The following SH3GL2 variants were observed in gnomAD, a reference collection of about 807,000 sequenced individuals.
SH3GL2 encodes the protein SH3 domain containing GRB2 like 2, endophilin A1.
In SH3GL2, 24 loss-of-function variants were observed where a neutral mutation model predicts 46.0. That is an observed-to-expected ratio of 0.52 (90% CI 0.38 to 0.73). SH3GL2 has a LOEUF of 0.73. Ranked by LOEUF, SH3GL2 falls within the 30% of genes least tolerant of loss-of-function variation. SH3GL2 has a pLI of 0.00. For missense variants in SH3GL2, 413 were observed against 424.2 expected, an observed-to-expected ratio of 0.97 and a Z score of 0.23; for synonymous variants, 196 against 147.1, an observed-to-expected ratio of 1.33 and a Z score of -2.40.
At chr9:17,779,048 A>G (rs1823724961) in intron 3 of SH3GL2, among the ~76,000 whole-genome samples, 2 of 152,200 alleles carry the variant, frequency 1.3e-5, no homozygotes, top group East Asian at 1.9e-4. Context: ...CTGCAGAGAT[A>G]CATGAGAATC....
intron 1 of SH3GL2, among the ~76,000 whole-genome samples, chr9:17,586,937 T>G (rs1321309716): frequency 2.0e-5 from 3 of 152,210 alleles, no homozygotes; most frequent in Admixed American, 6.5e-5. Context: ...CTGGGTGCGG[T>G]GGCTCATGCC....
chr9:17,724,134 C>T (rs1489241509), intron 1 of SH3GL2, among the ~76,000 whole-genome samples: 1 of 152,010 alleles, frequency 6.6e-6, no homozygotes, highest in Non-Finnish European at 1.5e-5. Context: ...TTGCTAACTG[C>T]TATCCCCCAT....
chr9:17,640,398 T>C (rs1588197128), intron 1 of SH3GL2, among the ~76,000 whole-genome samples: 1 of 152,204 alleles, frequency 6.6e-6, no homozygotes, highest in East Asian at 1.9e-4. Context: ...GCAGACCTTT[T>C]ATTTATTTTT....
At chr9:17,614,295 G>GGAAAAAAAAAAAAAAAAAAAAAAAAAAA (rs762920242) in intron 1 of SH3GL2, among the ~76,000 whole-genome samples, 5 of 70,300 alleles carry the variant, frequency 7.1e-5, no homozygotes, top group African/African-American at 2.9e-4. Flanking sequence ...CATGGTTTCT[G>GGAAAAAAAAAAAAAAAAAAAAAAAAAAA]AAAAAAAAAA....
intron 1 of SH3GL2, chr9:17,591,213 T>G (rs1818476069): frequency 6.6e-6 from 1 of 152,300 alleles, no homozygotes; most frequent in African/African-American, 2.4e-5. Context: ...TCTATATCAA[T>G]TGTTTTCCTA....
At chr9:17,711,394 T>C (rs1412948302) in intron 1 of SH3GL2, among the ~76,000 whole-genome samples, 1 of 151,850 alleles carries the variant, frequency 6.6e-6, no homozygotes, top group African/African-American at 2.4e-5. Context: ...CATCTGTGAA[T>C]TGATCACTGA....
intron 1 of SH3GL2, among the ~76,000 whole-genome samples, chr9:17,624,158 A>AGT (rs1819223552): frequency 6.6e-6 from 1 of 152,218 alleles, no homozygotes; most frequent in Non-Finnish European, 1.5e-5. Context: ...AGGGTGATGC[A>AGT]ATCTCAGTTG....
intron 1 of SH3GL2, among the ~76,000 whole-genome samples, chr9:17,680,526 C>G (rs1159836963): frequency 6.6e-6 from 1 of 151,964 alleles, no homozygotes; most frequent in Non-Finnish European, 1.5e-5. Flanking sequence ...CTCTTTTCTT[C>G]TTTATTAGTC....
intron 1 of SH3GL2, among the ~76,000 whole-genome samples, chr9:17,662,741 C>T (rs1292035131): frequency 2.3e-5 from 3 of 128,982 alleles, no homozygotes; most frequent in African/African-American, 8.9e-5. Flanking sequence ...CAGAGTCTTG[C>T]TCTTGTCACC....
intron 1 of SH3GL2, among the ~76,000 whole-genome samples, chr9:17,587,165 G>C (rs1341456940): frequency 6.6e-6 from 1 of 152,154 alleles, no homozygotes; most frequent in Non-Finnish European, 1.5e-5. Flanking sequence ...TCACACCGTT[G>C]CACTCCAGCC....
intron 5 of SH3GL2, among the ~76,000 whole-genome samples, chr9:17,788,675 C>T (rs1232966972): frequency 6.6e-6 from 1 of 152,100 alleles, no homozygotes; most frequent in Non-Finnish European, 1.5e-5. Flanking sequence ...GATTGAAGCT[C>T]AGCATGGAGC....
At chr9:17,744,019 A>C (rs1822610176) in intron 1 of SH3GL2, among the ~76,000 whole-genome samples, 1 of 152,198 alleles carries the variant, frequency 6.6e-6, no homozygotes, top group African/African-American at 2.4e-5. Flanking sequence ...AACAAATGGA[A>C]TTTTGGAATA....
chr9:17,714,996 T>C (rs1277341195), intron 1 of SH3GL2, among the ~76,000 whole-genome samples: 1 of 151,840 alleles, frequency 6.6e-6, no homozygotes, highest in Non-Finnish European at 1.5e-5. Flanking sequence ...TTTCACAGGA[T>C]ATAGAATTCT....
intron 3 of SH3GL2, among the ~76,000 whole-genome samples, chr9:17,761,958 G>A (rs1363683671): frequency 6.6e-6 from 1 of 152,156 alleles, no homozygotes; most frequent in Non-Finnish European, 1.5e-5. Flanking sequence ...AGTCTTCAGA[G>A]CGTTGATCTT....
At chr9:17,732,492 G>T (rs1822211941) in intron 1 of SH3GL2, among the ~76,000 whole-genome samples, 1 of 152,118 alleles carries the variant, frequency 6.6e-6, no homozygotes, top group African/African-American at 2.4e-5. Flanking sequence ...AAAGAGGGAT[G>T]AACAAGATCA....
intron 1 of SH3GL2, among the ~76,000 whole-genome samples, chr9:17,687,216 A>G (rs193126957): frequency 8.5e-5 from 13 of 152,190 alleles, no homozygotes; most frequent in Admixed American, 8.5e-4. Context: ...TTAAATTTTG[A>G]GTTTTTTTCA....
intron 1 of SH3GL2, among the ~76,000 whole-genome samples, chr9:17,736,056 C>T (rs1346977404): frequency 6.6e-6 from 1 of 152,068 alleles, no homozygotes; most frequent in Non-Finnish European, 1.5e-5. Context: ...GTGCAGGCAG[C>T]AGACCTCACG....
intron 1 of SH3GL2, among the ~76,000 whole-genome samples, chr9:17,642,994 A>G (rs1391134248): frequency 6.6e-6 from 1 of 152,176 alleles, no homozygotes; most frequent in Non-Finnish European, 1.5e-5. Context: ...GGCCATTTTC[A>G]TGATATTGAT....
At chr9:17,706,589 A>G (rs1821478713) in intron 1 of SH3GL2, among the ~76,000 whole-genome samples, 1 of 152,026 alleles carries the variant, frequency 6.6e-6, no homozygotes, top group Non-Finnish European at 1.5e-5. Flanking sequence ...TGTACGTGTA[A>G]TCTTTCCTGT....
Sources: allele counts gnomAD v4.1 joint callset (sites outside exome capture counted in the v4.1 genomes callset), GRCh38; gene constraint gnomAD v4.1.1; transcripts MANE v1.5; gene names NCBI Gene and HGNC (gene_info 2026-07-23, HGNC 2026-07-21).